GMDS: variants seen among roughly 807,000 people sequenced by gnomAD.
The protein encoded by GMDS is GDP-mannose 4,6 dehydratase.
A neutral mutation model predicts 49.9 loss-of-function variants in GMDS; 20 were observed. The ratio of observed to expected loss-of-function variants is 0.40; its 90% CI spans 0.28 to 0.58. GMDS has a LOEUF of 0.58. Among genes scored for constraint, GMDS ranks in the 20% least tolerant of loss-of-function variants. The pLI, the probability that GMDS is intolerant of heterozygous loss-of-function variation, is 0.42. For missense variants in GMDS, 362 were observed against 481.4 expected (o/e 0.75, Z 2.32); for synonymous variants, 177 against 178.6 (o/e 0.99, Z 0.07).
chr6:1,884,278 A>T (rs1159837633), intron 7 of GMDS, among the ~76,000 whole-genome samples: 4 of 152,240 alleles, frequency 2.6e-5, no homozygotes, highest in Admixed American at 2.6e-4. Flanking sequence ...ACTGCCAACA[A>T]AGGAAAATAT....
chr6:2,025,995 C>T (rs1472453458), intron 4 of GMDS, among the ~76,000 whole-genome samples: 1 of 152,158 alleles, frequency 6.6e-6, no homozygotes, highest in African/African-American at 2.4e-5. Flanking sequence ...AACTTTTTTA[C>T]ATTACCAAAT....
At chr6:1,637,733 G>A (rs1329244466) in intron 9 of GMDS, among the ~76,000 whole-genome samples, 3 of 152,244 alleles carry the variant, frequency 2.0e-5, no homozygotes. Context: ...GTCAGTCCCT[G>A]CACTGGCTGT....
chr6:1,779,112 C>T (rs1252806262), intron 7 of GMDS, among the ~76,000 whole-genome samples: 4 of 152,226 alleles, frequency 2.6e-5, no homozygotes, highest in Middle Eastern at 3.4e-3. Context: ...TGATCACCAC[C>T]GTCCACATGC....
At chr6:2,070,099 TG>T (rs1264419961) in intron 4 of GMDS, among the ~76,000 whole-genome samples, 1 of 151,570 alleles carries the variant, frequency 6.6e-6, no homozygotes, top group Non-Finnish European at 1.5e-5. Flanking sequence ...TAATAAATGA[TG>T]AGTTCATGTC....
chr6:1,997,158 A>G (rs891832405), intron 4 of GMDS, among the ~76,000 whole-genome samples: 5 of 152,020 alleles, frequency 3.3e-5, no homozygotes, highest in African/African-American at 1.2e-4. Context: ...TGGTTCTGAT[A>G]ACTGCTTCTT....
intron 4 of GMDS, among the ~76,000 whole-genome samples, chr6:1,981,723 AG>A (rs1017046853): frequency 9.2e-5 from 14 of 152,224 alleles, no homozygotes; most frequent in Admixed American, 9.2e-4. Context: ...AACAAAAAAA[AG>A]AAAAACTTCA....
intron 4 of GMDS, among the ~76,000 whole-genome samples, chr6:2,050,204 G>A (rs746140130): frequency 1.1e-4 from 16 of 152,100 alleles, no homozygotes; most frequent in African/African-American, 2.7e-4. Context: ...TATCACCACC[G>A]ATCTCACAGA....
At chr6:1,980,850 C>T (rs932389603) in intron 4 of GMDS, among the ~76,000 whole-genome samples, 2 of 152,034 alleles carry the variant, frequency 1.3e-5, no homozygotes, top group African/African-American at 4.8e-5. Flanking sequence ...CAGACTACAG[C>T]CCAATCAAAT....
chr6:1,893,281 C>T (rs1249324865), intron 7 of GMDS, among the ~76,000 whole-genome samples: 4 of 150,910 alleles, frequency 2.7e-5, no homozygotes, highest in Non-Finnish European at 4.4e-5. Flanking sequence ...GAAACCTCCA[C>T]CTCCCGGGTT....
intron 4 of GMDS, among the ~76,000 whole-genome samples, chr6:2,089,825 G>C (rs543272517): frequency 6.6e-6 from 1 of 152,248 alleles, no homozygotes; most frequent in East Asian, 1.9e-4. Context: ...GTCTACTTGT[G>C]GTTACACCTT....
rs540828558 is a variant in GMDS, at chr6:2,042,573, C to T, written c.345+73198G>A. On this transcript the variant is annotated intron_variant, in intron 4 of 10. Coordinates refer to ENST00000380815, the MANE Select transcript of GMDS (RefSeq NM_001500.4). ...TTTACAGGGCTCATCTATTGACAGT[C>T]CAATTTTTAAATTCCAATTTAAAAA... 2.6e-5 allele frequency among the ~76,000 whole-genome samples: 4 copies of T among 152,224 alleles called. No individual in the cohort carries two copies. In the East Asian group the frequency reaches 5.8e-4, roughly 22 times the overall value.
chr6:2,147,304 C>G (rs1776605199), intron 1 of GMDS, among the ~76,000 whole-genome samples: 1 of 152,098 alleles, frequency 6.6e-6, no homozygotes, highest in African/African-American at 2.4e-5. Context: ...ACCATTTAAA[C>G]CTCTGACACA....
intron 6 of GMDS, among the ~76,000 whole-genome samples, chr6:1,944,273 G>T (rs149209269): frequency 9.8e-5 from 15 of 152,298 alleles, no homozygotes; most frequent in Non-Finnish European, 1.8e-4. Flanking sequence ...TTGGGAGGCC[G>T]AGGCGGACGG....
At chr6:2,053,912 CT>C (rs1770630497) in intron 4 of GMDS, among the ~76,000 whole-genome samples, 1 of 152,046 alleles carries the variant, frequency 6.6e-6, no homozygotes, top group South Asian at 2.1e-4. Context: ...ACTTTTCCTC[CT>C]ATTACATACA....
In GMDS at chr6:1,758,894, A is replaced by G. The variant is rs186597531; in HGVS notation, c.772-16308T>C. 2.0e-5 allele frequency among the ~76,000 whole-genome samples: 3 copies of G among 152,310 alleles called. No homozygotes were observed. The East Asian group carries it at 5.8e-4, about 29-fold the overall frequency. ...GAGACCAGCCTTTTCTCAAAAAATA[A>G]TAATAATCCCTACCTCAGGGGGCTG... On this transcript the variant is annotated intron_variant, in intron 7 of 10. Coordinates refer to ENST00000380815, the MANE Select transcript of GMDS (RefSeq NM_001500.4).
chr6:1,893,482 G>A (rs1185308136), intron 7 of GMDS, among the ~76,000 whole-genome samples: 3 of 152,096 alleles, frequency 2.0e-5, no homozygotes, highest in Non-Finnish European at 2.9e-5. Context: ...CACTGCACCC[G>A]GCCCATCTCT....
chr6:1,676,590 G>C lies in GMDS; in HGVS notation c.987+49826C>G, dbSNP rs561190988. Among the ~76,000 whole-genome samples the C allele has an allele frequency of 2.6e-5, 4 of 152,262 alleles. No individual in the cohort carries two copies. The East Asian group carries it at 5.8e-4, about 22-fold the overall frequency. ...CTACTGGTACCAAAACAGAGATATA[G>C]ACCAATGGAACAGAATAGAGTCCCT... is the stretch of plus-strand genomic sequence containing the variant. On this transcript the variant is annotated intron_variant, in intron 9 of 10. Transcript: ENST00000380815.
intron 6 of GMDS, among the ~76,000 whole-genome samples, chr6:1,950,870 A>G (rs1360539935): frequency 1.3e-5 from 2 of 151,896 alleles, no homozygotes; most frequent in Non-Finnish European, 2.9e-5. Flanking sequence ...TTATAGAGCC[A>G]TCCCGTGCAC....
At chr6:2,208,985 C>G (rs1779937798) in intron 1 of GMDS, among the ~76,000 whole-genome samples, 2 of 152,146 alleles carry the variant, frequency 1.3e-5, no homozygotes, top group Non-Finnish European at 2.9e-5. Context: ...TTCTCAAGCT[C>G]AGTTTTAGAA....
Sources: gnomAD v4.1 joint callset for allele counts (sites outside exome capture counted in the v4.1 genomes callset) on GRCh38, gnomAD v4.1.1 for gene constraint, MANE v1.5 for transcripts, NCBI Gene and HGNC (gene_info 2026-07-23, HGNC 2026-07-21) for gene names.